SLU7: variants seen among roughly 807,000 people sequenced by gnomAD.
The protein encoded by SLU7 is pre-mRNA-splicing factor SLU7.
In SLU7, 60 loss-of-function variants were observed where a neutral mutation model predicts 87.0. The observed-to-expected ratio is 0.69, with a 90% CI of 0.56 to 0.86. SLU7 has a LOEUF of 0.86. Among genes scored for constraint, SLU7 ranks in the 40% least tolerant of loss-of-function variants. The probability of loss-of-function intolerance (pLI) is 0.00; values close to 1 mark genes in which losing one functional copy is unlikely to be tolerated. For missense variants in SLU7, 507 were observed against 686.6 expected, an observed-to-expected ratio of 0.74 and a Z score of 2.92; for synonymous variants, 197 against 222.0, an observed-to-expected ratio of 0.89 and a Z score of 1.00.
chr5:160,409,698 G>C (rs1383753343), intron 6 of SLU7, among the ~76,000 whole-genome samples: 2 of 152,074 alleles, frequency 1.3e-5, no homozygotes, highest in African/African-American at 4.8e-5. Context: ...TAGATCACTG[G>C]TTATATAATG....
Position 160,407,611 on chromosome 5 carries a change from A to C in SLU7, c.990T>G (p.Phe330Leu). The C allele has an allele frequency of 6.2e-7, 1 of 1,611,390 alleles. No homozygotes were observed. ...DTISMAQTQL[F>L]AWEAYDKGSE... The stretch of plus-strand genomic sequence containing the variant: ...ATCCCTTGTCATAGGCTTCCCATGC[A>C]AACACTAGAGTAATTCAAAACATCT... Residue 330 changes from phenylalanine (F) to leucine (L), a missense_variant, in exon 11 of 16, where the codon TTT becomes TTG. Around this residue, in one of 6 missense-constraint regions of SLU7, gnomAD observed 49 missense variants for 144.1 expected, o/e 0.34. Coordinates refer to ENST00000297151, the MANE Select transcript of SLU7 (RefSeq NM_006425.5). The surrounding 1 kb of genome is among the most constrained non-coding windows in gnomAD (Gnocchi z 4.2).
At chr5:160,414,689 A>C (rs10079719) in intron 2 of SLU7, among the ~76,000 whole-genome samples, 4,077 of 152,282 alleles carry the variant, frequency 0.027, 189 homozygotes, top group African/African-American at 0.093. Flanking sequence ...TAAGAAACTA[A>C]GAATAGTGAT....
chr5:160,418,039 G>T (rs2910196), intron 1 of SLU7, among the ~76,000 whole-genome samples: 34,235 of 152,080 alleles, frequency 0.23, 4,602 homozygotes, highest in Admixed American at 0.33. Flanking sequence ...TTTCCCAGTG[G>T]AAAGTGCTCA....
chr5:160,412,337 C>T (rs1428137525), intron 6 of SLU7, 114 bp downstream of exon 6: 2 of 676,236 alleles, frequency 3.0e-6, no homozygotes, highest in Admixed American at 5.5e-5. Context: ...ATTTTTCCCC[C>T]AATAGCATTT....
chr5:160,417,269 A>G (rs1232012854), intron 1 of SLU7: 2 of 152,222 alleles, frequency 1.3e-5, no homozygotes, highest in African/African-American at 4.8e-5. Context: ...CTAGTCCCAC[A>G]TGTAATTTTA....
chr5:160,410,637 A>C (rs1443431265), intron 6 of SLU7, among the ~76,000 whole-genome samples: 1 of 152,236 alleles, frequency 6.6e-6, no homozygotes, highest in Non-Finnish European at 1.5e-5. Context: ...AAGTATCCTT[A>C]CTGGGGAAAT....
At chr5:160,418,015 C>A (rs1021249980) in intron 1 of SLU7, among the ~76,000 whole-genome samples, 1 of 152,162 alleles carries the variant, frequency 6.6e-6, no homozygotes, top group African/African-American at 2.4e-5. Context: ...GACACTGGGC[C>A]TTTACACAAG....
chr5:160,416,078 G>A (rs1478521612), intron 1 of SLU7, among the ~76,000 whole-genome samples: 1 of 152,026 alleles, frequency 6.6e-6, no homozygotes, highest in Admixed American at 6.6e-5. Context: ...ATTTTTTGTA[G>A]TGACAGGATT....
Position 160,407,490 on chromosome 5 carries a change from T to C in SLU7, c.1111A>G (p.Ser371Gly). ...KEDFKEQQKE[S>G]ILEKYGGQEH... is the part of the protein sequence containing the mutation. Reference sequence around the variant, plus strand: ...GTCAAAATTACCTTTTCCAGGATGCTTTCTTTCTGCTGTTCTTTGAAATCT... The same window carrying C: ...GTCAAAATTACCTTTTCCAGGATGCCTTCTTTCTGCTGTTCTTTGAAATCT... The change falls in exon 11 of 16, where the codon AGC becomes GGC. Residue 371 changes from serine to glycine, a missense_variant. Transcript: ENST00000297151. The surrounding 1 kb of genome is among the most constrained non-coding windows in gnomAD (Gnocchi z 4.2). The C allele has an allele frequency of 6.2e-7, 1 of 1,607,988 alleles. No individual in the cohort carries two copies. The highest frequency in any genetic ancestry group is 8.5e-7 in the Non-Finnish European group (1 of 1,178,344).
At chr5:160,413,766 T>C in intron 4 of SLU7, 133 bp downstream of exon 4, 1 of 952,788 alleles carries the variant, frequency 1.0e-6, no homozygotes, top group Non-Finnish European at 1.5e-6. Flanking sequence ...GTTGAACCAA[T>C]TCCACTGAAA....
chr5:160,418,158 T>A lies in SLU7; in HGVS notation c.-17+865A>T, dbSNP rs186361367. 1.3e-4 allele frequency among the ~76,000 whole-genome samples: 20 copies of A among 152,326 alleles called. No homozygotes were observed. In the East Asian group the frequency reaches 2.3e-3, roughly 18 times the overall value. ...ATATAAACTGATGGCCTAAATATAC[T>A]GCGAAGAGAAGCACAACAACGGTAA... On this transcript the variant is annotated intron_variant, in intron 1 of 15. Transcript: ENST00000297151.
chr5:160,408,462 T>C lies in SLU7; in HGVS notation c.688-2A>G. 6.3e-7 allele frequency: 1 copy of C among 1,583,570 alleles called. No individual in the cohort carries two copies. The highest frequency in any genetic ancestry group is 1.2e-5 in the South Asian group (1 of 84,494). On this transcript the variant is annotated splice_acceptor_variant, in intron 7 of 15. Coordinates refer to ENST00000297151, the MANE Select transcript of SLU7 (RefSeq NM_006425.5). LOFTEE classifies it high-confidence loss of function. Reference sequence around the variant, plus strand: ...ATCTTCACTATTATGATCTTTTTCCTAAAAGAGGGAGAGGAAGGAAAAGTA... The same window carrying C: ...ATCTTCACTATTATGATCTTTTTCCCAAAAGAGGGAGAGGAAGGAAAAGTA...
At chr5:160,404,410 C>A in intron 15 of SLU7, 30 bp downstream of exon 15, 1 of 1,301,412 alleles carries the variant, frequency 7.7e-7, no homozygotes, top group South Asian at 1.3e-5. Context: ...TGCTACTTGT[C>A]ACTTTTACTA....
chr5:160,409,008 C>T (rs1383612578), intron 6 of SLU7, among the ~76,000 whole-genome samples: 2 of 151,496 alleles, frequency 1.3e-5, no homozygotes, highest in East Asian at 3.9e-4. Flanking sequence ...TTTTATTACA[C>T]TGTCTATAAA....
chr5:160,414,261 T>C, intron 3 of SLU7, 58 bp downstream of exon 3: 5 of 1,367,972 alleles, frequency 3.7e-6, no homozygotes, highest in Non-Finnish European at 4.9e-6. Context: ...TAAAAATTCT[T>C]ACATTAAGTT....
intron 6 of SLU7, among the ~76,000 whole-genome samples, chr5:160,411,708 C>T (rs1349073251): frequency 1.3e-5 from 2 of 151,928 alleles, no homozygotes; most frequent in Admixed American, 6.6e-5. Flanking sequence ...TTTATTTGTG[C>T]CTAGATTTGT....
rs1764795183 is a variant in SLU7, at chr5:160,401,830, C to T, written c.*1455G>A. On this transcript the variant is annotated 3_prime_UTR_variant, in exon 16 of 16. Coordinates refer to ENST00000297151, the MANE Select transcript of SLU7 (RefSeq NM_006425.5). ...TTTCATACCAATCTAAAGCTCGACA[C>T]TATGTATATCCAAAGTACTTGACAA... 1 of 152,190 alleles carries T rather than the reference C, an allele frequency of 6.6e-6. No individual in the cohort carries two copies. Among genetic ancestry groups the T allele is most frequent in the Admixed American group, 6.5e-5 (1 of 15,284 alleles). 9.4% of individuals were successfully genotyped at this position (152,190 alleles called of 1,614,324 possible). A position where few individuals can be genotyped will look rare whatever the true frequency, so the allele number is the denominator to read the frequency against.
At chr5:160,404,977 G>A in intron 13 of SLU7, 54 bp downstream of exon 13, 1 of 1,535,180 alleles carries the variant, frequency 6.5e-7, no homozygotes, top group Non-Finnish European at 9.0e-7. Flanking sequence ...GTTTTAGTTT[G>A]ACTTAGGAGC....
At chr5:160,403,837 G>A (rs1764887993) in intron 15 of SLU7, among the ~76,000 whole-genome samples, 1 of 152,152 alleles carries the variant, frequency 6.6e-6, no homozygotes, top group Non-Finnish European at 1.5e-5. Flanking sequence ...GGAGCTAGAA[G>A]GCAATTCTTT....
Sources: gnomAD v4.1 joint callset for allele counts (sites outside exome capture counted in the v4.1 genomes callset) on GRCh38, gnomAD v4.1.1 for gene constraint, gnomAD v4.1.1 regional missense constraint, Gnocchi (gnomAD v3.1) non-coding constraint, MANE v1.5 for transcripts, NCBI Gene and HGNC (gene_info 2026-07-23, HGNC 2026-07-21) for gene names.